The following ME1 variants were observed in gnomAD, a reference collection of about 807,000 sequenced individuals.
ME1 encodes NADP-dependent malic enzyme.
In ME1, 74 loss-of-function variants were observed where a neutral mutation model predicts 66.4. That is an observed-to-expected ratio of 1.11 (90% CI 0.92 to 1.35). The LOEUF (loss-of-function observed/expected upper bound fraction) is 1.35, where lower values mean the gene tolerates loss of function less well. Among genes scored for constraint, ME1 ranks in the 40% most tolerant of loss-of-function variants. The probability of loss-of-function intolerance (pLI) is 0.00; values close to 1 mark genes in which losing one functional copy is unlikely to be tolerated. For synonymous variants in ME1, 251 were observed against 235.6 expected, an observed-to-expected ratio of 1.07 and a Z score of -0.60; for missense variants, 750 against 694.1, an observed-to-expected ratio of 1.08 and a Z score of -0.90.
intron 1 of ME1, among the ~76,000 whole-genome samples, chr6:83,422,685 A>G (rs1178378407): frequency 6.6e-6 from 1 of 152,184 alleles, no homozygotes; most frequent in African/African-American, 2.4e-5. Flanking sequence ...TAAAAATACA[A>G]TAATTATAAT....
At chr6:83,271,037 AAT>A (rs1391151449) in intron 6 of ME1, among the ~76,000 whole-genome samples, 3 of 152,002 alleles carry the variant, frequency 2.0e-5, no homozygotes, top group Non-Finnish European at 4.4e-5. Context: ...AAAAAAAAAA[AAT>A]CTAACTAGAA....
At position 83,307,583 on chromosome 6, in the gene ME1, T is replaced by C. The variant is rs557206191; in HGVS notation, c.704+7727A>G. On this transcript the variant is annotated intron_variant, in intron 6 of 13. Transcript: ENST00000369705. The stretch of plus-strand genomic sequence containing the variant: ...GAATCTAAAGAGCCTCACAGACTTA[T>C]AGATAAAATCACGTAAGTTATAAAT... Among the ~76,000 whole-genome samples, 11 of 152,212 alleles carry C rather than the reference T, an allele frequency of 7.2e-5. No homozygotes were observed. The East Asian group carries it at 1.5e-3, about 21-fold the overall frequency.
At chr6:83,392,811 G>A in intron 3 of ME1, 1 of 730,968 alleles carries the variant, frequency 1.4e-6, no homozygotes, top group South Asian at 1.3e-5. Context: ...CCATGTTCGT[G>A]ATGGGTGTGA....
chr6:83,307,674 A>G (rs1174460370), intron 6 of ME1, among the ~76,000 whole-genome samples: 1 of 152,116 alleles, frequency 6.6e-6, no homozygotes, highest in Non-Finnish European at 1.5e-5. Context: ...AGAAAAAGGT[A>G]GTACAGAAAG....
chr6:83,225,948 T>C (rs1464524680), intron 11 of ME1, among the ~76,000 whole-genome samples: 2 of 151,878 alleles, frequency 1.3e-5, no homozygotes, highest in African/African-American at 4.8e-5. Context: ...TATTCTCATA[T>C]ATATATGTTA....
At chr6:83,410,733 T>C (rs577271592) in intron 1 of ME1, among the ~76,000 whole-genome samples, 1 of 152,306 alleles carries the variant, frequency 6.6e-6, no homozygotes, top group South Asian at 2.1e-4. Flanking sequence ...TTGATAAGTC[T>C]TGTGAGATGT....
At chr6:83,364,851 C>T (rs913287141) in intron 3 of ME1, among the ~76,000 whole-genome samples, 3 of 152,126 alleles carry the variant, frequency 2.0e-5, no homozygotes, top group African/African-American at 7.2e-5. Flanking sequence ...AGAAACCTAG[C>T]TTCCATTATG....
intron 7 of ME1, among the ~76,000 whole-genome samples, chr6:83,245,285 A>G (rs1790597295): frequency 6.6e-6 from 1 of 152,208 alleles, no homozygotes; most frequent in African/African-American, 2.4e-5. Context: ...AATATGGTCT[A>G]TGGTCATAGA....
chr6:83,262,523 G>C (rs1427572239), intron 6 of ME1, among the ~76,000 whole-genome samples: 3 of 151,972 alleles, frequency 2.0e-5, no homozygotes, highest in Non-Finnish European at 4.4e-5. Flanking sequence ...CTAAATCTGT[G>C]ACTTTTTCTC....
intron 3 of ME1, among the ~76,000 whole-genome samples, chr6:83,356,636 TC>T (rs1768895830): frequency 1.3e-5 from 2 of 152,162 alleles, no homozygotes; most frequent in Admixed American, 1.3e-4. Context: ...AACCAGTGTT[TC>T]TGAAGCCAAA....
intron 5 of ME1, among the ~76,000 whole-genome samples, chr6:83,315,985 AT>A (rs1297215734): frequency 6.6e-6 from 1 of 152,224 alleles, no homozygotes; most frequent in Non-Finnish European, 1.5e-5. Flanking sequence ...AAAGAAAAAA[AT>A]AAAATATTTC....
chr6:83,322,879 GA>G (rs908389476), intron 5 of ME1, among the ~76,000 whole-genome samples: 3 of 152,082 alleles, frequency 2.0e-5, no homozygotes, highest in Middle Eastern at 3.2e-3. Context: ...TTGAAATGAA[GA>G]AAAAAATTTA....
At chr6:83,361,772 G>A (rs759188092) in intron 3 of ME1, among the ~76,000 whole-genome samples, 1 of 152,128 alleles carries the variant, frequency 6.6e-6, no homozygotes, top group Non-Finnish European at 1.5e-5. Flanking sequence ...TCATGAACTG[G>A]GTGCTTTCTG....
chr6:83,243,065 C>A (rs999664196), intron 7 of ME1, among the ~76,000 whole-genome samples: 4 of 151,672 alleles, frequency 2.6e-5, no homozygotes, highest in Non-Finnish European at 4.4e-5. Flanking sequence ...TGAGACCAGC[C>A]TGGGCAACAT....
chr6:83,392,863 C>A (rs1583414503), intron 3 of ME1: 2 of 771,832 alleles, frequency 2.6e-6, no homozygotes, highest in Non-Finnish European at 4.6e-6. Context: ...ATCAGCAATG[C>A]CTCCTGCACC....
At position 83,241,604 on chromosome 6, in the gene ME1, T is replaced by C. The variant is rs1011689882; in HGVS notation, c.815-1968A>G. On this transcript the variant is annotated intron_variant, in intron 7 of 13. Transcript: ENST00000369705. ...ATCTTCCATTTATAGAATTAATTAA[T>C]AAAATCAGAAAGATATTTTTAGCAC... 5.9e-5 allele frequency among the ~76,000 whole-genome samples: 9 copies of C among 151,860 alleles called. No homozygotes were observed. In the East Asian group the frequency reaches 1.7e-3, roughly 29 times the overall value.
intron 6 of ME1, among the ~76,000 whole-genome samples, chr6:83,311,071 A>T (rs1767922031): frequency 1.3e-5 from 2 of 152,098 alleles, no homozygotes; most frequent in Non-Finnish European, 2.9e-5. Context: ...TCTTGGGATG[A>T]TAAGGGTAGA....
At position 83,259,869 on chromosome 6, in the gene ME1, C is replaced by A. The variant is rs1766853060; in HGVS notation, c.705-6131G>T. Among the ~76,000 whole-genome samples, 3 of 152,016 alleles carry A rather than the reference C, an allele frequency of 2.0e-5. No individual in the cohort carries two copies. The South Asian group carries it at 6.2e-4, about 32-fold the overall frequency. ...GACAGTAGAAATGATGAAGATTCAGCCATAATCATCCATTCTTTTCCCCCA... is the reference window on the plus strand; with the variant it reads ...GACAGTAGAAATGATGAAGATTCAGACATAATCATCCATTCTTTTCCCCCA... On this transcript the variant is annotated intron_variant, in intron 6 of 13. Coordinates refer to ENST00000369705, the MANE Select transcript of ME1 (RefSeq NM_002395.6).
intron 6 of ME1, among the ~76,000 whole-genome samples, chr6:83,306,372 C>T (rs1487866513): frequency 2.0e-5 from 3 of 151,830 alleles, no homozygotes; most frequent in East Asian, 1.9e-4. Context: ...ATTTTCAAAT[C>T]GTAATGATTA....
Sources: allele counts gnomAD v4.1 joint callset (sites outside exome capture counted in the v4.1 genomes callset), GRCh38; gene constraint gnomAD v4.1.1; transcripts MANE v1.5; gene names NCBI Gene and HGNC (gene_info 2026-07-23, HGNC 2026-07-21).